OXCT1: variants seen among roughly 807,000 people sequenced by gnomAD.
OXCT1 encodes the protein 3-oxoacid CoA-transferase 1.
A neutral mutation model predicts 69.6 loss-of-function variants in OXCT1; 27 were observed. That is an observed-to-expected ratio of 0.39 (90% CI 0.29 to 0.54). OXCT1 has a LOEUF of 0.54. Among genes scored for constraint, OXCT1 ranks in the 20% least tolerant of loss-of-function variants. OXCT1 has a pLI of 0.72. For synonymous variants in OXCT1, 202 were observed against 217.8 expected (o/e 0.93, Z 0.64); for missense variants, 437 against 650.2 (o/e 0.67, Z 3.57).
At chr5:41,752,216 T>A (rs1448573206) in intron 14 of OXCT1, among the ~76,000 whole-genome samples, 1 of 152,114 alleles carries the variant, frequency 6.6e-6, no homozygotes, top group Non-Finnish European at 1.5e-5. Flanking sequence ...GCCATACAAT[T>A]TTTGTGGTCC....
At chr5:41,855,849 G>GA (rs1749404256) in intron 3 of OXCT1, among the ~76,000 whole-genome samples, 1 of 152,238 alleles carries the variant, frequency 6.6e-6, no homozygotes, top group Admixed American at 6.5e-5. Flanking sequence ...AAAGATAGCA[G>GA]AAAAAATCTT....
intron 5 of OXCT1, among the ~76,000 whole-genome samples, chr5:41,849,113 A>G (rs571701667): frequency 6.6e-6 from 1 of 152,314 alleles, no homozygotes; most frequent in South Asian, 2.1e-4. Context: ...CTCTCAACAG[A>G]AAGATGTCTC....
chr5:41,833,609 A>G (rs1748207610), intron 7 of OXCT1, among the ~76,000 whole-genome samples: 1 of 152,324 alleles, frequency 6.6e-6, no homozygotes, highest in South Asian at 2.1e-4. Flanking sequence ...GCACACATAG[A>G]AACACAGGAT....
At chr5:41,822,253 C>T (rs1747589980) in intron 7 of OXCT1, among the ~76,000 whole-genome samples, 1 of 152,100 alleles carries the variant, frequency 6.6e-6, no homozygotes, top group Admixed American at 6.5e-5. Flanking sequence ...TGACAGGAGG[C>T]AGCCAGTACT....
At chr5:41,763,565 C>A (rs917334636) in intron 13 of OXCT1, among the ~76,000 whole-genome samples, 3 of 152,088 alleles carry the variant, frequency 2.0e-5, no homozygotes, top group Admixed American at 2.0e-4. Flanking sequence ...CAATGCCTAT[C>A]AAATTCTAAT....
At chr5:41,805,508 A>G in intron 9 of OXCT1, 59 bp downstream of exon 9, 1 of 1,118,912 alleles carries the variant, frequency 8.9e-7, no homozygotes, top group Non-Finnish European at 1.4e-6. Context: ...TAATAGCCTG[A>G]TCAATATGGG....
intron 5 of OXCT1, among the ~76,000 whole-genome samples, chr5:41,848,887 G>T (rs2112436951): frequency 6.6e-6 from 1 of 152,158 alleles, no homozygotes; most frequent in East Asian, 1.9e-4. Context: ...AGGACTTCAT[G>T]TATAAAACAC....
chr5:41,839,034 A>G (rs1194067967), intron 7 of OXCT1, among the ~76,000 whole-genome samples: 1 of 152,194 alleles, frequency 6.6e-6, no homozygotes, highest in East Asian at 1.9e-4. Flanking sequence ...CCAGGAAAGC[A>G]TTCTGTGATC....
chr5:41,820,974 A>G (rs1747519666), intron 7 of OXCT1, among the ~76,000 whole-genome samples: 1 of 152,192 alleles, frequency 6.6e-6, no homozygotes. Flanking sequence ...TCACTGCTCT[A>G]TGCACAACTT....
intron 13 of OXCT1, among the ~76,000 whole-genome samples, chr5:41,791,832 C>T (rs190656993): frequency 6.6e-6 from 1 of 152,018 alleles, no homozygotes; most frequent in Admixed American, 6.5e-5. Flanking sequence ...GACGGAGTCT[C>T]GCTCTTTCGC....
chr5:41,866,660 A>AT (rs1443343032), intron 1 of OXCT1, among the ~76,000 whole-genome samples: 34 of 152,224 alleles, frequency 2.2e-4, no homozygotes, highest in Non-Finnish European at 4.6e-4. Context: ...CCTTGAACTA[A>AT]ACACTGCCAA....
intron 13 of OXCT1, among the ~76,000 whole-genome samples, chr5:41,792,874 C>T (rs1745988403): frequency 6.6e-6 from 1 of 152,110 alleles, no homozygotes; most frequent in South Asian, 2.1e-4. Context: ...CTTTGAATGA[C>T]CCAGTGTCCA....
intron 3 of OXCT1, among the ~76,000 whole-genome samples, chr5:41,854,030 A>T (rs1158991751): frequency 6.6e-6 from 1 of 152,178 alleles, no homozygotes; most frequent in Non-Finnish European, 1.5e-5. Context: ...TTCACTTCTA[A>T]AAAGGAGAGA....
chr5:41,760,148 A>G (rs1744277160), intron 14 of OXCT1, among the ~76,000 whole-genome samples: 1 of 152,158 alleles, frequency 6.6e-6, no homozygotes, highest in Non-Finnish European at 1.5e-5. Flanking sequence ...CTGGGCCAGT[A>G]ACCATGAGTC....
intron 13 of OXCT1, among the ~76,000 whole-genome samples, chr5:41,773,628 T>TC (rs1744987816): frequency 4.4e-5 from 4 of 91,320 alleles, no homozygotes; most frequent in Admixed American, 1.2e-4. Context: ...CCCACCCCTC[T>TC]GCCAAAAAAA....
At chr5:41,851,112 A>G (rs1405108459) in intron 4 of OXCT1, among the ~76,000 whole-genome samples, 1 of 152,212 alleles carries the variant, frequency 6.6e-6, no homozygotes, top group Non-Finnish European at 1.5e-5. Flanking sequence ...CCTGGGCAAC[A>G]TAATGAGATC....
At chr5:41,815,956 C>A (rs1439254116) in intron 7 of OXCT1, among the ~76,000 whole-genome samples, 1 of 152,160 alleles carries the variant, frequency 6.6e-6, no homozygotes, top group Non-Finnish European at 1.5e-5. Flanking sequence ...TGTTAATCAT[C>A]CCTGAAGCAC....
At chr5:41,863,638 C>A (rs528280290) in intron 1 of OXCT1, among the ~76,000 whole-genome samples, 13 of 152,234 alleles carry the variant, frequency 8.5e-5, no homozygotes, top group Middle Eastern at 3.4e-3. Flanking sequence ...AGTTCTAACT[C>A]CATCATTTGT....
chr5:41,793,811 C>T (rs182909372), intron 13 of OXCT1, among the ~76,000 whole-genome samples, 192 bp downstream of exon 13: 1 of 152,154 alleles, frequency 6.6e-6, no homozygotes, highest in Admixed American at 6.5e-5. Flanking sequence ...TACTTTTAGT[C>T]CCAAATGCAC....
Sources: allele counts gnomAD v4.1 joint callset (sites outside exome capture counted in the v4.1 genomes callset), GRCh38; gene constraint gnomAD v4.1.1; transcripts MANE v1.5; gene names NCBI Gene and HGNC (gene_info 2026-07-23, HGNC 2026-07-21).